SPECC1L: variants seen among roughly 807,000 people sequenced by gnomAD.
SPECC1L encodes cytospin-A.
In SPECC1L, 40 loss-of-function variants were observed where a neutral mutation model predicts 116.8. The observed-to-expected ratio is 0.34, with a 90% CI of 0.27 to 0.45. The LOEUF (loss-of-function observed/expected upper bound fraction) is 0.45. Ranked by LOEUF, SPECC1L falls within the 20% of genes least tolerant of loss-of-function variation. The pLI is 1.00. For missense variants in SPECC1L, 1,110 were observed against 1,373.6 expected, an observed-to-expected ratio of 0.81 and a Z score of 3.03; for synonymous variants, 504 against 500.6, an observed-to-expected ratio of 1.01 and a Z score of -0.09.
chr22:24,389,724 A>T (rs566215802), intron 14 of SPECC1L, among the ~76,000 whole-genome samples: 141 of 152,326 alleles, frequency 9.3e-4, no homozygotes, highest in African/African-American at 3.4e-3. Context: ...GTGAACAGAT[A>T]AAAATAGCTC....
In SPECC1L at chr22:24,321,702, C is replaced by A; in HGVS notation, c.722C>A (p.Ser241Tyr). The A allele has an allele frequency of 8.1e-6, 13 of 1,614,168 alleles. No individual in the cohort carries two copies. The highest frequency in any genetic ancestry group is 1.1e-5 in the Non-Finnish European group (13 of 1,180,034). ...IMAHQPTDVE[S>Y]TLLQLQEQNT... Reference sequence around the variant, plus strand: ...GCTCACCAGCCGACTGATGTGGAGTCCACTTTATTGCAGTTGCAGGAACAG... The same window carrying A: ...GCTCACCAGCCGACTGATGTGGAGTACACTTTATTGCAGTTGCAGGAACAG... Residue 241 changes from serine (S) to tyrosine (Y), a missense_variant, in exon 5 of 17, where the codon TCC (serine) becomes TAC (tyrosine). This residue lies in a region of SPECC1L where 437 missense variants were observed against 482.6 expected (regional missense o/e 0.91). Coordinates refer to ENST00000314328, the MANE Select transcript of SPECC1L (RefSeq NM_015330.6).
At chr22:24,354,343 T>C (rs2041485298) in intron 11 of SPECC1L, among the ~76,000 whole-genome samples, 1 of 152,270 alleles carries the variant, frequency 6.6e-6, no homozygotes, top group African/African-American at 2.4e-5. Flanking sequence ...CCGTGGTGTT[T>C]CAGTGGTGGT....
intron 14 of SPECC1L, among the ~76,000 whole-genome samples, chr22:24,381,257 A>G (rs1319433792): frequency 6.6e-6 from 1 of 152,228 alleles, no homozygotes; most frequent in Admixed American, 6.5e-5. Context: ...TTTTGAATGA[A>G]AAATCTCAAT....
intron 14 of SPECC1L, among the ~76,000 whole-genome samples, chr22:24,388,145 A>G (rs1200869569): frequency 2.0e-5 from 3 of 151,888 alleles, no homozygotes; most frequent in Non-Finnish European, 4.4e-5. Flanking sequence ...GGTTAGTTAC[A>G]TACGTATACA....
chr22:24,366,136 C>T (rs941563910), intron 13 of SPECC1L, among the ~76,000 whole-genome samples: 1 of 151,336 alleles, frequency 6.6e-6, no homozygotes, highest in Admixed American at 6.6e-5. Context: ...GTGTACCTAC[C>T]ATATCAAGGA....
intron 10 of SPECC1L, among the ~76,000 whole-genome samples, chr22:24,339,764 G>C (rs2041133442): frequency 6.6e-6 from 1 of 150,878 alleles, no homozygotes; most frequent in African/African-American, 2.4e-5. Context: ...GCATTTGCAT[G>C]TATATACAAG....
chr22:24,323,674 CTT>C (rs1306205207), intron 5 of SPECC1L, among the ~76,000 whole-genome samples: 1 of 152,020 alleles, frequency 6.6e-6, no homozygotes, highest in Non-Finnish European at 1.5e-5. Flanking sequence ...TTTCATATAT[CTT>C]TGGCTAAAAT....
chr22:24,356,033 T>C (rs1344710381), intron 11 of SPECC1L, among the ~76,000 whole-genome samples: 1 of 152,200 alleles, frequency 6.6e-6, no homozygotes, highest in Non-Finnish European at 1.5e-5. Context: ...TGATATGTTT[T>C]TCATCCCTAC....
chr22:24,325,415 G>C (rs1250212773), intron 6 of SPECC1L, among the ~76,000 whole-genome samples: 2 of 152,132 alleles, frequency 1.3e-5, no homozygotes, highest in Non-Finnish European at 2.9e-5. Context: ...CCATTTCAGA[G>C]TAAAAACGTA....
At chr22:24,325,565 TTATTTATTTATTTATA>T (rs1431922572) in intron 6 of SPECC1L, among the ~76,000 whole-genome samples, 1 of 151,396 alleles carries the variant, frequency 6.6e-6, no homozygotes, top group East Asian at 1.9e-4. Flanking sequence ...ATTTATTTAT[TTATTTATTTATTTATA>T]AGAGGTGACA....
intron 4 of SPECC1L, among the ~76,000 whole-genome samples, chr22:24,314,835 CAT>C (rs2040530146): frequency 1.3e-5 from 2 of 152,206 alleles, no homozygotes; most frequent in Non-Finnish European, 2.9e-5. Context: ...TCAGGAAACA[CAT>C]AGTTTTTGAT....
intron 14 of SPECC1L, among the ~76,000 whole-genome samples, chr22:24,401,356 G>A (rs544054998): frequency 1.1e-4 from 16 of 152,298 alleles, no homozygotes; most frequent in African/African-American, 3.9e-4. Flanking sequence ...AGAGCTGGAG[G>A]GTGGATCTGA....
chr22:24,412,509 C>T, intron 15 of SPECC1L, 139 bp from the exon 16 acceptor site: 1 of 791,266 alleles, frequency 1.3e-6, no homozygotes, highest in Non-Finnish European at 2.2e-6. Context: ...GAAGCTCAGG[C>T]TCCCAGCATA....
chr22:24,312,791 T>G lies in SPECC1L; in HGVS notation c.154-522T>G, dbSNP rs1470767131. 3.3e-5 allele frequency among the ~76,000 whole-genome samples: 5 copies of G among 152,192 alleles called. No homozygotes were observed. The South Asian group carries it at 6.2e-4, about 19-fold the overall frequency. ...TGTAAAGCCTCTAGTTTTTTATTAA[T>G]ATATTATGCATGTTTTAGAAAATAC... On this transcript the variant is annotated intron_variant, in intron 3 of 16. Transcript: ENST00000314328.
chr22:24,326,241 A>T (rs1236550202), intron 6 of SPECC1L, among the ~76,000 whole-genome samples: 2 of 152,196 alleles, frequency 1.3e-5, no homozygotes, highest in Non-Finnish European at 2.9e-5. Flanking sequence ...GCCTGTTTTG[A>T]TTATGAAATA....
rs768314431 is a variant in SPECC1L at position 24,321,830 on chromosome 22, A to G, written c.850A>G (p.Asn284Asp). Reference sequence around the variant, plus strand: ...CTTTTCCCTAGAGCAGAGGTTAGACAATTCTGAAAAACTGTTTGGCTATCA... The same window carrying G: ...CTTTTCCCTAGAGCAGAGGTTAGACGATTCTGAAAAACTGTTTGGCTATCA... ...LGFSLEQRLDNSEKLFGYQSL... is the reference protein window; with the variant it reads ...LGFSLEQRLDDSEKLFGYQSL... Residue 284 changes from asparagine to aspartate, a missense_variant, in exon 5 of 17, where the codon AAT becomes GAT. Asn to Asp is a conservative substitution (Grantham distance 23). This residue lies in a region of SPECC1L where 437 missense variants were observed against 482.6 expected (regional missense o/e 0.91). Coordinates refer to ENST00000314328, the MANE Select transcript of SPECC1L (RefSeq NM_015330.6). 6.2e-7 allele frequency: 1 copy of G among 1,614,242 alleles called. No individual in the cohort carries two copies. The highest frequency in any genetic ancestry group is 2.2e-5 in the East Asian group (1 of 44,888).
At chr22:24,405,650 A>C (rs1014881170) in intron 14 of SPECC1L, among the ~76,000 whole-genome samples, 1 of 151,928 alleles carries the variant, frequency 6.6e-6, no homozygotes, top group Admixed American at 6.6e-5. Context: ...GACCAGCCTG[A>C]CCAACATGGT....
intron 1 of SPECC1L, among the ~76,000 whole-genome samples, chr22:24,273,795 G>A (rs1333195534): frequency 1.3e-5 from 2 of 152,158 alleles, no homozygotes; most frequent in Admixed American, 1.3e-4. Flanking sequence ...TTTCGCTCTT[G>A]TTGCCCAGGC....
At chr22:24,331,081 A>G (rs928229841) in intron 8 of SPECC1L, among the ~76,000 whole-genome samples, 2 of 152,060 alleles carry the variant, frequency 1.3e-5, no homozygotes, top group Non-Finnish European at 2.9e-5. Context: ...TTTTTTCCCC[A>G]TGTAACATAG....
Sources: allele counts gnomAD v4.1 joint callset (sites outside exome capture counted in the v4.1 genomes callset), GRCh38; gene constraint gnomAD v4.1.1; regional missense constraint gnomAD v4.1.1; transcripts MANE v1.5; gene names NCBI Gene and HGNC (gene_info 2026-07-23, HGNC 2026-07-21).